SLC37A3: variants seen among roughly 807,000 people sequenced by gnomAD.
The protein encoded by SLC37A3 is sugar phosphate exchanger 3.
A neutral mutation model predicts 67.1 loss-of-function variants in SLC37A3; 51 were observed. That is an observed-to-expected ratio of 0.76 (90% CI 0.61 to 0.96). The LOEUF (loss-of-function observed/expected upper bound fraction) is 0.96. Ranked by LOEUF, SLC37A3 falls within the 40% of genes least tolerant of loss-of-function variation. The probability of loss-of-function intolerance (pLI) is 0.00; values close to 1 mark genes in which losing one functional copy is unlikely to be tolerated. For synonymous variants in SLC37A3, 214 were observed against 231.4 expected (o/e 0.92, Z 0.68); for missense variants, 508 against 603.0 (o/e 0.84, Z 1.65).
chr7:140,394,922 A>T (rs533341959), intron 1 of SLC37A3, among the ~76,000 whole-genome samples: 18 of 151,834 alleles, frequency 1.2e-4, no homozygotes, highest in East Asian at 4.0e-4. Context: ...AAAATTTTTT[A>T]AAAAAGAAAG....
intron 7 of SLC37A3, 23 bp downstream of exon 7, chr7:140,355,645 C>G: frequency 6.3e-7 from 1 of 1,588,298 alleles, no homozygotes; most frequent in Non-Finnish European, 8.6e-7. Context: ...GAGAGAGCAC[C>G]AGAGCTAGAA....
intron 10 of SLC37A3, among the ~76,000 whole-genome samples, chr7:140,347,441 G>A (rs1223436474): frequency 6.6e-6 from 1 of 152,104 alleles, no homozygotes; most frequent in Non-Finnish European, 1.5e-5. Flanking sequence ...TCAGATAGCA[G>A]GCAGCTGGAC....
chr7:140,336,693 AG>A (rs1025551336), intron 14 of SLC37A3, among the ~76,000 whole-genome samples: 2 of 152,194 alleles, frequency 1.3e-5, no homozygotes, highest in African/African-American at 4.8e-5. Flanking sequence ...TATACTGATT[AG>A]GGGCTGGTGA....
chr7:140,394,947 C>T (rs914931429), intron 1 of SLC37A3, among the ~76,000 whole-genome samples: 7 of 151,850 alleles, frequency 4.6e-5, no homozygotes, highest in African/African-American at 1.5e-4. Flanking sequence ...CTCTCTCAAA[C>T]GATGGAGTGC....
At chr7:140,382,648 A>C in intron 1 of SLC37A3, 52 bp from the exon 2 acceptor site, 1 of 794,064 alleles carries the variant, frequency 1.3e-6, no homozygotes. Context: ...CAGAGTATCC[A>C]AAAACTGTAT....
chr7:140,372,466 T>C (rs1797858979), intron 3 of SLC37A3, among the ~76,000 whole-genome samples: 1 of 152,218 alleles, frequency 6.6e-6, no homozygotes, highest in African/African-American at 2.4e-5. Context: ...GAGAAACTGC[T>C]GCACCTTAGC....
chr7:140,341,754 G>A (rs1251060147), intron 13 of SLC37A3, among the ~76,000 whole-genome samples: 1 of 152,152 alleles, frequency 6.6e-6, no homozygotes, highest in Non-Finnish European at 1.5e-5. Context: ...CAAATTCTCT[G>A]AAATACTCAT....
rs760121463 is a variant in SLC37A3 at position 140,348,810 on chromosome 7, C to T, written c.883-43G>A. ...AACTATCAGCGAGGGACAAATAGCA[C>T]AGCACGACTACCATTTTTAATGTCA... On this transcript the variant is annotated intron_variant, in intron 9 of 14. Coordinates refer to ENST00000326232, the MANE Select transcript of SLC37A3 (RefSeq NM_207113.3). 13 of 1,600,464 alleles carry T rather than the reference C, an allele frequency of 8.1e-6. No individual in the cohort carries two copies. The South Asian group carries it at 1.5e-4, about 18-fold the overall frequency.
At chr7:140,360,354 A>C (rs1044508596) in intron 5 of SLC37A3, among the ~76,000 whole-genome samples, 1 of 152,102 alleles carries the variant, frequency 6.6e-6, no homozygotes, top group Non-Finnish European at 1.5e-5. Flanking sequence ...AATAATAATC[A>C]TAATAAATTA....
chr7:140,371,510 G>A (rs1797821102), intron 3 of SLC37A3, among the ~76,000 whole-genome samples: 1 of 152,084 alleles, frequency 6.6e-6, no homozygotes, highest in Admixed American at 6.6e-5. Context: ...TGCCATGTAT[G>A]ATTCCGCAGG....
At chr7:140,342,968 C>T (rs1361595682) in intron 13 of SLC37A3, among the ~76,000 whole-genome samples, 1 of 152,152 alleles carries the variant, frequency 6.6e-6, no homozygotes, top group Non-Finnish European at 1.5e-5. Flanking sequence ...GAGTCCATGG[C>T]CATGTCTGGC....
chr7:140,374,276 C>T (rs371692127), intron 3 of SLC37A3, among the ~76,000 whole-genome samples: 104 of 152,086 alleles, frequency 6.8e-4, no homozygotes, highest in Non-Finnish European at 1.0e-3. Flanking sequence ...ACAGGTCGAT[C>T]GCTTGAGGTC....
intron 4 of SLC37A3, among the ~76,000 whole-genome samples, chr7:140,365,792 A>G (rs1797573525): frequency 6.6e-6 from 1 of 152,164 alleles, no homozygotes; most frequent in African/African-American, 2.4e-5. Flanking sequence ...CCTCATCTTA[A>G]GAGAAGCATG....
Position 140,334,032 on chromosome 7 carries a change from G to C in SLC37A3, c.*1380C>G, listed in dbSNP as rs952912060. ...TCTTAAAATATTGATAACTAGTATG[G>C]AATTCACAGCCCTGAAGATATATAT... On this transcript the variant is annotated 3_prime_UTR_variant, in exon 15 of 15. Coordinates refer to ENST00000326232, the MANE Select transcript of SLC37A3 (RefSeq NM_207113.3). 1 of 152,070 alleles carries C rather than the reference G, an allele frequency of 6.6e-6. No homozygotes were observed. Among genetic ancestry groups the C allele is most frequent in the African/African-American group, 2.4e-5 (1 of 41,364 alleles). The allele number at this position is 152,070 out of a possible 1,614,324, so 9.4% of individuals were successfully genotyped here. A position where few individuals can be genotyped will look rare whatever the true frequency, so the allele number is the denominator to read the frequency against.
At chr7:140,349,546 G>C (rs1016533425) in intron 9 of SLC37A3, among the ~76,000 whole-genome samples, 7 of 148,514 alleles carry the variant, frequency 4.7e-5, no homozygotes, top group South Asian at 2.2e-4. Context: ...AAAGGGGGGG[G>C]GGACAGAGGG....
chr7:140,369,628 C>G lies in SLC37A3; in HGVS notation c.253G>C (p.Gly85Arg). 1 of 1,613,888 alleles carries G rather than the reference C, an allele frequency of 6.2e-7. No homozygotes were observed. Among genetic ancestry groups the G allele is most frequent in the Non-Finnish European group, 8.5e-7 (1 of 1,179,966 alleles). ...AAGAGGAAAATGGTATCCAGTGTGCCGAGGAAAAGAGTCGCTTTCTCTGCA... is the reference window on the plus strand; with the variant it reads ...AAGAGGAAAATGGTATCCAGTGTGCGGAGGAAAAGAGTCGCTTTCTCTGCA... ...PSAEKATLFL[G>R]TLDTIFLFSY... Residue 85 changes from glycine (G) to arginine (R), a missense_variant, in exon 4 of 15, where the codon GGC becomes CGC. Physicochemically the swap from Gly to Arg is moderately radical, Grantham distance 125 (BLOSUM62 -2). Transcript: ENST00000326232.
At position 140,335,026 on chromosome 7, in the gene SLC37A3, C is replaced by A; in HGVS notation, c.*386G>T. On this transcript the variant is annotated 3_prime_UTR_variant, in exon 15 of 15. Coordinates refer to ENST00000326232, the MANE Select transcript of SLC37A3 (RefSeq NM_207113.3). ...TGTGGAACATACCACCAACACAAAC[C>A]ACGCGTGGCTTTGCCTCCTGTTCAC... 5.6e-6 allele frequency: 3 copies of A among 536,618 alleles called. No individual in the cohort carries two copies. The South Asian group carries it at 6.4e-5, about 11-fold the overall frequency. 33.2% of individuals were successfully genotyped at this position (536,618 alleles called of 1,614,324 possible).
At position 140,381,766 on chromosome 7, in the gene SLC37A3, C is replaced by T. The variant is rs953322694; in HGVS notation, c.89+672G>A. On this transcript the variant is annotated intron_variant, in intron 2 of 14. Transcript: ENST00000326232. The stretch of plus-strand genomic sequence containing the variant: ...CTCCAAACAGGGTGATGAAAATAAA[C>T]GCCTGTAATCCCAGCACTTTGGGAG... Among the ~76,000 whole-genome samples, 5 of 151,918 alleles carry T rather than the reference C, an allele frequency of 3.3e-5. No individual in the cohort carries two copies. In the East Asian group the frequency reaches 5.8e-4, roughly 18 times the overall value.
intron 1 of SLC37A3, among the ~76,000 whole-genome samples, chr7:140,390,009 A>C (rs1185707588): frequency 6.6e-6 from 1 of 152,150 alleles, no homozygotes; most frequent in Non-Finnish European, 1.5e-5. Flanking sequence ...GGATCACTTG[A>C]GGCCAGGCCT....
Sources: gnomAD v4.1 joint callset for allele counts (sites outside exome capture counted in the v4.1 genomes callset) on GRCh38, gnomAD v4.1.1 for gene constraint, MANE v1.5 for transcripts, NCBI Gene and HGNC (gene_info 2026-07-23, HGNC 2026-07-21) for gene names.